Variants in HS2ST1 observed in about 807,000 individuals in gnomAD.
The protein encoded by HS2ST1 is heparan sulfate 2-O-sulfotransferase 1, also known as 2-O-sulfotransferase.
In HS2ST1, 18 loss-of-function variants were observed where a neutral mutation model predicts 42.9. The ratio of observed to expected loss-of-function variants is 0.42; its 90% CI spans 0.29 to 0.62. The LOEUF (loss-of-function observed/expected upper bound fraction) is 0.62. HS2ST1 is among the 20% of genes least tolerant of loss of function. The pLI, the probability that HS2ST1 is intolerant of heterozygous loss-of-function variation, is 0.21. For synonymous variants in HS2ST1, 146 were observed against 152.9 expected (o/e 0.95, Z 0.33); for missense variants, 334 against 433.8 (o/e 0.77, Z 2.04).
At chr1:87,038,929 A>T (rs954181951) in intron 1 of HS2ST1, among the ~76,000 whole-genome samples, 12 of 150,872 alleles carry the variant, frequency 8.0e-5, no homozygotes, top group Non-Finnish European at 3.0e-5. Context: ...CCGTTTTTTT[A>T]AAAAAGTAAT....
rs34812948 is a variant in HS2ST1 at position 87,075,161 on chromosome 1, CTTTTTTTTTTTTT to C, written c.363+2001_363+2013del. 3.3e-3 allele frequency among the ~76,000 whole-genome samples: 162 copies of C among 48,616 alleles called. 2 individuals are homozygous for C. The highest frequency in any genetic ancestry group is 0.014 in the African/African-American group (152 of 11,228). The allele number at this position is 48,616 out of a possible 152,430, so 31.9% of individuals were successfully genotyped here. On this transcript the variant is annotated intron_variant, in intron 2 of 6. Coordinates refer to ENST00000370550, the MANE Select transcript of HS2ST1 (RefSeq NM_012262.4). ...GTCTCTGTGTACTGTTCTCAGCTAC[CTTTTTTTTTTTTT>C]TTTTTTTTTTTGGAGACAGGGTTTT...
intron 3 of HS2ST1, 107 bp from the exon 4 acceptor site, chr1:87,092,423 CT>C: frequency 3.5e-6 from 2 of 570,438 alleles, no homozygotes; most frequent in Non-Finnish European, 5.4e-6. Flanking sequence ...AATTCATGTT[CT>C]TTTTTCCTTA....
chr1:87,031,747 T>A (rs1650243886), intron 1 of HS2ST1, among the ~76,000 whole-genome samples: 1 of 152,190 alleles, frequency 6.6e-6, no homozygotes, highest in South Asian at 2.1e-4. Flanking sequence ...TTGTTTAAAA[T>A]CTGCTGATCT....
intron 1 of HS2ST1, among the ~76,000 whole-genome samples, chr1:86,944,175 T>C (rs753594526): frequency 4.0e-4 from 61 of 152,200 alleles, no homozygotes; most frequent in Non-Finnish European, 7.9e-4. Flanking sequence ...AATTATTCGA[T>C]AGTGGAAGTT....
At chr1:86,942,832 A>G (rs1660791353) in intron 1 of HS2ST1, among the ~76,000 whole-genome samples, 1 of 152,118 alleles carries the variant, frequency 6.6e-6, no homozygotes, top group African/African-American at 2.4e-5. Flanking sequence ...TCTTCCCCCA[A>G]ATTAGCTTTG....
Position 87,104,584 on chromosome 1 carries a change from C to G in HS2ST1, c.959C>G (p.Ala320Gly). 1.2e-6 allele frequency: 2 copies of G among 1,612,154 alleles called. No homozygotes were observed. The highest frequency in any genetic ancestry group is 1.7e-6 in the Non-Finnish European group (2 of 1,178,296). ...ATGGAGAATGAGTTCTATGAATTTG[C>G]ACTAGAGCAGTTCCAATTCATCAGA... The part of the protein sequence containing the change: ...WKMENEFYEF[A>G]LEQFQFIRAH... The change falls in exon 7 of 7, where the codon GCA becomes GGA. Residue 320 changes from alanine (A) to glycine (G), a missense_variant. Coordinates refer to ENST00000370550, the MANE Select transcript of HS2ST1 (RefSeq NM_012262.4).
Position 87,048,912 on chromosome 1 carries a change from A to G in HS2ST1, c.125-24022A>G, listed in dbSNP as rs541819772. Among the ~76,000 whole-genome samples, 183 of 152,232 alleles carry G rather than the reference A, an allele frequency of 1.2e-3. 1 individual carries two copies. Among genetic ancestry groups the G allele is most frequent in the African/African-American group, 4.1e-3 (172 of 41,574 alleles). ...ATTTCATGTCTGATTTTGGTATCAA[A>G]GGCTGGCTTCAGAGACTCAACTGGA... On this transcript the variant is annotated intron_variant, in intron 1 of 6. Transcript: ENST00000370550.
At chr1:87,088,811 ATATT>A (rs1651873444) in intron 3 of HS2ST1, among the ~76,000 whole-genome samples, 1 of 152,000 alleles carries the variant, frequency 6.6e-6, no homozygotes, top group Admixed American at 6.6e-5. Flanking sequence ...TACTTTAAAA[ATATT>A]TATTTACACT....
chr1:86,932,684 T>C (rs901330641), intron 1 of HS2ST1, among the ~76,000 whole-genome samples: 1 of 152,106 alleles, frequency 6.6e-6, no homozygotes, highest in Non-Finnish European at 1.5e-5. Context: ...TAAAAGCACA[T>C]GCAGTGTCAG....
At chr1:86,936,038 G>A (rs574433672) in intron 1 of HS2ST1, among the ~76,000 whole-genome samples, 19 of 151,928 alleles carry the variant, frequency 1.3e-4, no homozygotes, top group African/African-American at 4.3e-4. Flanking sequence ...TACTTTTTTT[G>A]TCATATGTAT....
At chr1:87,028,538 C>T (rs189402461) in intron 1 of HS2ST1, among the ~76,000 whole-genome samples, 83 of 152,228 alleles carry the variant, frequency 5.5e-4, no homozygotes, top group African/African-American at 1.9e-3. Context: ...TCACTGTTTT[C>T]CCACATGAGA....
intron 1 of HS2ST1, among the ~76,000 whole-genome samples, chr1:87,006,081 A>G (rs954837076): frequency 1.3e-5 from 2 of 152,178 alleles, no homozygotes; most frequent in African/African-American, 4.8e-5. Context: ...CAAAACTTTA[A>G]TTAAAAAATT....
intron 1 of HS2ST1, among the ~76,000 whole-genome samples, chr1:87,015,619 C>T (rs1570486862): frequency 6.6e-6 from 1 of 152,122 alleles, no homozygotes; most frequent in Non-Finnish European, 1.5e-5. Flanking sequence ...GCTGGGATTA[C>T]AGGCATGAGC....
At chr1:86,976,447 A>G (rs898794824) in intron 1 of HS2ST1, among the ~76,000 whole-genome samples, 1 of 152,136 alleles carries the variant, frequency 6.6e-6, no homozygotes, top group Admixed American at 6.5e-5. Flanking sequence ...GATATAAGTT[A>G]GAAAGACTAA....
intron 1 of HS2ST1, among the ~76,000 whole-genome samples, chr1:86,948,823 G>T (rs1647417307): frequency 6.6e-6 from 1 of 152,090 alleles, no homozygotes; most frequent in African/African-American, 2.4e-5. Context: ...AGTGGCCCTT[G>T]TTTTTCTAAA....
intron 1 of HS2ST1, among the ~76,000 whole-genome samples, chr1:86,930,126 A>G (rs533380809): frequency 4.6e-5 from 7 of 151,912 alleles, no homozygotes; most frequent in Admixed American, 1.3e-4. Context: ...ACTTTTTTTC[A>G]GGAATTATAG....
intron 1 of HS2ST1, among the ~76,000 whole-genome samples, chr1:87,059,468 G>A (rs1651063772): frequency 6.6e-6 from 1 of 152,178 alleles, no homozygotes; most frequent in African/African-American, 2.4e-5. Flanking sequence ...AATAGGAACA[G>A]TTCACTTGAG....
intron 1 of HS2ST1, among the ~76,000 whole-genome samples, chr1:87,071,529 G>C (rs1451498872): frequency 6.6e-6 from 1 of 152,088 alleles, no homozygotes; most frequent in Non-Finnish European, 1.5e-5. Flanking sequence ...AGGAGTTCAA[G>C]ACCAGCCTGG....
intron 1 of HS2ST1, among the ~76,000 whole-genome samples, chr1:87,035,032 A>AT (rs1650337775): frequency 6.6e-6 from 1 of 152,132 alleles, no homozygotes; most frequent in South Asian, 2.1e-4. Context: ...TGAGAGAGAG[A>AT]TTTTAAGATG....
Sources: allele counts gnomAD v4.1 joint callset (sites outside exome capture counted in the v4.1 genomes callset), GRCh38; gene constraint gnomAD v4.1.1; transcripts MANE v1.5; gene names NCBI Gene and HGNC (gene_info 2026-07-23, HGNC 2026-07-21).